The following ESRRG variants were observed in gnomAD, a reference collection of about 807,000 sequenced individuals.
ESRRG encodes the protein estrogen-related receptor gamma.
ESRRG carries 13 observed loss-of-function variants against 44.0 expected under a neutral mutation model. The observed-to-expected ratio is 0.30, with a 90% CI of 0.19 to 0.47. The LOEUF is 0.47. Among genes scored for constraint, ESRRG ranks in the 20% least tolerant of loss-of-function variants. The pLI is 1.00. For synonymous variants in ESRRG, 215 were observed against 214.6 expected (o/e 1.00, Z -0.02); for missense variants, 395 against 580.6 (o/e 0.68, Z 3.29).
chr1:216,800,328 T>C (rs1430507213), intron 2 of ESRRG, among the ~76,000 whole-genome samples: 1 of 152,184 alleles, frequency 6.6e-6, no homozygotes, highest in Non-Finnish European at 1.5e-5. Context: ...CTTTTCATGG[T>C]GTGCCACTGT....
intron 2 of ESRRG, among the ~76,000 whole-genome samples, chr1:216,657,039 G>A (rs895588395): frequency 1.3e-5 from 2 of 152,100 alleles, no homozygotes; most frequent in Admixed American, 6.6e-5. Context: ...AAGAAAGAAA[G>A]AAAGAAAACT....
chr1:216,971,718 C>T (rs752831779), intron 1 of ESRRG, among the ~76,000 whole-genome samples: 80 of 152,220 alleles, frequency 5.3e-4, no homozygotes, highest in Non-Finnish European at 7.4e-5. Flanking sequence ...GATCTGAAAA[C>T]GAACAATGAG....
chr1:216,858,317 G>T (rs935495695), intron 2 of ESRRG, among the ~76,000 whole-genome samples: 3 of 151,670 alleles, frequency 2.0e-5, no homozygotes, highest in Non-Finnish European at 2.9e-5. Flanking sequence ...GGTGCCTGTA[G>T]TCCCAGCTAC....
chr1:216,937,125 A>T (rs1403581941), intron 2 of ESRRG, among the ~76,000 whole-genome samples: 1 of 152,156 alleles, frequency 6.6e-6, no homozygotes, highest in Non-Finnish European at 1.5e-5. Context: ...AAAGAAAAAA[A>T]AAACTCAAAT....
At chr1:216,685,395 C>A (rs919062973) in intron 1 of ESRRG, among the ~76,000 whole-genome samples, 1 of 152,192 alleles carries the variant, frequency 6.6e-6, no homozygotes, top group African/African-American at 2.4e-5. Flanking sequence ...TAGTCTCCTA[C>A]TTCTACAAAT....
upstream of ESRRG, among the ~76,000 whole-genome samples, chr1:217,093,726 T>C (rs961003633): frequency 6.6e-6 from 1 of 151,174 alleles, no homozygotes; most frequent in Non-Finnish European, 1.5e-5. Flanking sequence ...AAGGCTACAG[T>C]AAGCGGTGAT....
intron 3 of ESRRG, among the ~76,000 whole-genome samples, chr1:216,612,981 C>A (rs1399005067): frequency 2.6e-5 from 4 of 152,120 alleles, no homozygotes; most frequent in Non-Finnish European, 5.9e-5. Context: ...TTTATTAGAA[C>A]CATTACCAGT....
rs147980446 is a variant in ESRRG at position 216,785,559 on chromosome 1, A to G, written c.-13-108068T>C. ...GAGGGAAAAGCTATTTTCAGTGGCA[A>G]TATCAAGACAGAAACTGAAGAAAGC... On this transcript the variant is annotated intron_variant, in intron 2 of 7. Coordinates refer to the ESRRG transcript ENST00000359162. Among the ~76,000 whole-genome samples the G allele has an allele frequency of 1.5e-3, 233 of 152,200 alleles. 1 individual carries two copies. Among genetic ancestry groups the G allele is most frequent in the Middle Eastern group, 0.01 (3 of 294 alleles).
intron 2 of ESRRG, among the ~76,000 whole-genome samples, chr1:216,795,938 A>T (rs1264783988): frequency 1.3e-5 from 2 of 152,118 alleles, no homozygotes; most frequent in Non-Finnish European, 2.9e-5. Flanking sequence ...ACCAAATGGG[A>T]TATCAACAAG....
At chr1:216,784,253 A>G (rs1484361018) in intron 2 of ESRRG, among the ~76,000 whole-genome samples, 1 of 151,898 alleles carries the variant, frequency 6.6e-6, no homozygotes, top group Non-Finnish European at 1.5e-5. Context: ...TCTCTCCTAA[A>G]GTGTTTAAAA....
intron 1 of ESRRG, among the ~76,000 whole-genome samples, chr1:217,059,306 T>C (rs2087846377): frequency 6.6e-6 from 1 of 151,880 alleles, no homozygotes; most frequent in African/African-American, 2.4e-5. Flanking sequence ...TATAACTACA[T>C]ATAGTTTATT....
intron 1 of ESRRG, among the ~76,000 whole-genome samples, chr1:216,687,573 C>G (rs1443660944): frequency 1.3e-5 from 2 of 152,128 alleles, no homozygotes; most frequent in African/African-American, 4.8e-5. Context: ...GGCCCCTAAG[C>G]TTGTCAGATC....
chr1:216,709,840 T>A (rs892918098), intron 1 of ESRRG, among the ~76,000 whole-genome samples: 1 of 152,084 alleles, frequency 6.6e-6, no homozygotes, highest in African/African-American at 2.4e-5. Context: ...AAACAATAAT[T>A]TTTTTTAGAG....
intron 2 of ESRRG, among the ~76,000 whole-genome samples, chr1:216,831,694 G>A (rs2095490234): frequency 6.6e-6 from 1 of 152,064 alleles, no homozygotes; most frequent in African/African-American, 2.4e-5. Flanking sequence ...TATGCATTTG[G>A]ATATAGCCAA....
rs542486052 is a variant in ESRRG at position 216,677,922 on chromosome 1, G to A, written c.57-431C>T. ...CAAAGTCTATACCATTTCTAAAATTGTATTTATCCTCATTCTACCTTTCCT... is the reference window on the plus strand; with the variant it reads ...CAAAGTCTATACCATTTCTAAAATTATATTTATCCTCATTCTACCTTTCCT... On this transcript the variant is annotated intron_variant, in intron 1 of 6. Transcript: ENST00000408911. 2.0e-5 allele frequency among the ~76,000 whole-genome samples: 3 copies of A among 152,284 alleles called. No individual in the cohort carries two copies. The East Asian group carries it at 5.8e-4, about 29-fold the overall frequency.
intron 3 of ESRRG, among the ~76,000 whole-genome samples, chr1:216,575,573 T>A (rs771229994): frequency 1.3e-5 from 2 of 152,138 alleles, no homozygotes; most frequent in African/African-American, 2.4e-5. Context: ...ACACATTTAA[T>A]CCTTATAGCA....
intron 1 of ESRRG, among the ~76,000 whole-genome samples, chr1:217,134,442 G>A (rs1208084689): frequency 6.6e-6 from 1 of 152,234 alleles, no homozygotes; most frequent in Non-Finnish European, 1.5e-5. Context: ...GCGCGCCAGA[G>A]AAGCGAAGCC....
chr1:216,597,795 TA>T (rs150316872), intron 3 of ESRRG, among the ~76,000 whole-genome samples: 22,560 of 152,222 alleles, frequency 0.15, 2,166 homozygotes, highest in Non-Finnish European at 0.21. Context: ...TTTCAGCTTA[TA>T]ATACTTCTAG....
intron 5 of ESRRG, among the ~76,000 whole-genome samples, chr1:216,540,298 A>T (rs1324506111): frequency 2.0e-5 from 3 of 152,040 alleles, no homozygotes; most frequent in Non-Finnish European, 4.4e-5. Context: ...GATTCTATAG[A>T]TCATGTGGCA....
Sources: allele counts gnomAD v4.1 joint callset (sites outside exome capture counted in the v4.1 genomes callset), GRCh38; gene constraint gnomAD v4.1.1; transcripts MANE v1.5; gene names NCBI Gene and HGNC (gene_info 2026-07-23, HGNC 2026-07-21).